The following FBXW8 variants were observed in gnomAD, a reference collection of about 807,000 sequenced individuals.
The protein encoded by FBXW8 is F-box/WD repeat-containing protein 8.
In FBXW8, 57 loss-of-function variants were observed where a neutral mutation model predicts 65.3. The observed-to-expected ratio is 0.87, with a 90% confidence interval of 0.71 to 1.09. FBXW8 has a LOEUF of 1.09. FBXW8 is among the 50% of genes least tolerant of loss of function. The pLI is 0.00. For synonymous variants in FBXW8, 308 were observed against 330.2 expected, an observed-to-expected ratio of 0.93 and a Z score of 0.73; for missense variants, 777 against 814.8, an observed-to-expected ratio of 0.95 and a Z score of 0.57.
At position 116,911,188 on chromosome 12, in the gene FBXW8, G is replaced by A. The variant is rs892914508; in HGVS notation, c.151G>A (p.Gly51Arg). 4 of 1,296,408 alleles carry A rather than the reference G, an allele frequency of 3.1e-6. No individual in the cohort carries two copies. The highest frequency in any genetic ancestry group is 3.9e-6 in the Non-Finnish European group (4 of 1,028,436). The allele number at this position is 1,296,408 out of a possible 1,614,324, so 80.3% of individuals were successfully genotyped here. A position where few individuals can be genotyped will look rare whatever the true frequency, so the allele number is the denominator to read the frequency against. Residue 51 changes from glycine to arginine, a missense_variant, in exon 1 of 11, where the codon GGG becomes AGG. By Grantham distance (125) the Gly-to-Arg change is moderately radical. Transcript: ENST00000652555. Reference sequence around the variant, plus strand: ...CTCCGGGCGCGGCGAACAGGCCTCGGGGGACCCGGCGCTGGCCCAGCGTCT... The same window carrying A: ...CTCCGGGCGCGGCGAACAGGCCTCGAGGGACCCGGCGCTGGCCCAGCGTCT... ...VGSGRGEQAS[G>R]DPALAQRLLE... is the part of the protein sequence containing the mutation.
chr12:116,928,527 A>G (rs2137310103), intron 2 of FBXW8, among the ~76,000 whole-genome samples: 1 of 152,328 alleles, frequency 6.6e-6, no homozygotes, highest in East Asian at 1.9e-4. Context: ...CAGCACGAGG[A>G]CAGAACATGT....
chr12:116,911,153 C>T lies in FBXW8; in HGVS notation c.116C>T (p.Pro39Leu), dbSNP rs1331367845. The T allele has an allele frequency of 5.2e-6, 7 of 1,340,924 alleles. No homozygotes were observed. The highest frequency in any genetic ancestry group is 1.9e-5 in the South Asian group (1 of 51,306). 83.1% of individuals were successfully genotyped at this position (1,340,924 alleles called of 1,614,324 possible). The change falls in exon 1 of 11, where the codon CCG (proline) becomes CTG (leucine). Residue 39 changes from proline (P) to leucine (L), a missense_variant. Physicochemically the swap from Pro to Leu is moderately conservative, Grantham distance 98. Coordinates refer to ENST00000652555, the MANE Select transcript of FBXW8 (RefSeq NM_153348.3). Reference sequence around the variant, plus strand: ...GCTGCCGAGAGGCGGGCTCGGCGGCCGGAGGTGGGCTCCGGGCGCGGCGAA... The same window carrying T: ...GCTGCCGAGAGGCGGGCTCGGCGGCTGGAGGTGGGCTCCGGGCGCGGCGAA... ...PEAAERRARR[P>L]EVGSGRGEQA...
chr12:117,005,882 T>C (rs1953662164), intron 7 of FBXW8, among the ~76,000 whole-genome samples: 1 of 152,222 alleles, frequency 6.6e-6, no homozygotes, highest in Non-Finnish European at 1.5e-5. Context: ...TGGTATCATC[T>C]TCAGGAAGTG....
intron 5 of FBXW8, among the ~76,000 whole-genome samples, chr12:116,973,383 C>T (rs1884745447): frequency 6.6e-6 from 1 of 152,138 alleles, no homozygotes; most frequent in Admixed American, 6.5e-5. Flanking sequence ...AAAATCTCCC[C>T]ACTAAACACT....
chr12:116,971,722 A>T (rs1475126365), intron 5 of FBXW8, among the ~76,000 whole-genome samples: 1 of 152,102 alleles, frequency 6.6e-6, no homozygotes, highest in African/African-American at 2.4e-5. Flanking sequence ...TTTTTATGGT[A>T]ATCTTAAAAA....
In FBXW8 at chr12:116,985,344, T is replaced by C; in HGVS notation, c.974T>C (p.Leu325Ser). 1 of 1,614,236 alleles carries C rather than the reference T, an allele frequency of 6.2e-7. No homozygotes were observed. Among genetic ancestry groups the C allele is most frequent in the Non-Finnish European group, 8.5e-7 (1 of 1,180,042 alleles). The change falls in exon 6 of 11, where the codon TTA becomes TCA. Residue 325 changes from leucine (L) to serine (S), a missense_variant. By Grantham distance (145) the Leu-to-Ser change is moderately radical. Coordinates refer to ENST00000652555, the MANE Select transcript of FBXW8 (RefSeq NM_153348.3). Reference protein sequence around the residue: ...ATASAFDVVMLSPNEEGYWQI... With the variant: ...ATASAFDVVMSSPNEEGYWQI... ...GCTTCTGCTTTTGATGTCGTGATGT[T>C]ATCCCCCAATGAGGAGGGGTACTGG...
intron 2 of FBXW8, among the ~76,000 whole-genome samples, chr12:116,929,543 C>CT (rs58484905): frequency 2.6e-5 from 4 of 151,978 alleles, no homozygotes; most frequent in African/African-American, 9.7e-5. Context: ...ACTGATTTTT[C>CT]TTTTTTTAAA....
At chr12:116,954,130 A>T (rs901495527) in intron 4 of FBXW8, among the ~76,000 whole-genome samples, 1 of 151,650 alleles carries the variant, frequency 6.6e-6, no homozygotes, top group Non-Finnish European at 1.5e-5. Context: ...AAAAAAAAAA[A>T]AAAAGAAAAA....
At chr12:116,975,983 G>A (rs1325089449) in intron 5 of FBXW8, among the ~76,000 whole-genome samples, 1 of 152,168 alleles carries the variant, frequency 6.6e-6, no homozygotes, top group Non-Finnish European at 1.5e-5. Context: ...TTGCATCAGC[G>A]TTAATTTCCT....
At chr12:116,921,511 C>T (rs1461232690) in intron 1 of FBXW8, among the ~76,000 whole-genome samples, 1 of 152,118 alleles carries the variant, frequency 6.6e-6, no homozygotes, top group Non-Finnish European at 1.5e-5. Flanking sequence ...GTTGTAGTCT[C>T]CTGTATTTCA....
intron 1 of FBXW8, among the ~76,000 whole-genome samples, chr12:116,915,647 T>C (rs937908627): frequency 1.1e-5 from 1 of 94,860 alleles, no homozygotes. Flanking sequence ...CTACTTTTTT[T>C]TTTTTTTTTT....
chr12:116,956,563 A>C (rs1035126542), intron 4 of FBXW8, among the ~76,000 whole-genome samples: 1 of 152,336 alleles, frequency 6.6e-6, no homozygotes, highest in Admixed American at 6.5e-5. Context: ...TTGGAGCTTC[A>C]AATTTATATA....
intron 8 of FBXW8, among the ~76,000 whole-genome samples, chr12:117,019,495 G>C (rs1197806315): frequency 6.6e-6 from 1 of 152,138 alleles, no homozygotes; most frequent in Non-Finnish European, 1.5e-5. Context: ...TATTCACTTG[G>C]GTTGCCTTGT....
intron 5 of FBXW8, 69 bp from the exon 6 acceptor site, chr12:116,985,137 T>C (rs1885575208): frequency 3.6e-6 from 5 of 1,405,996 alleles, no homozygotes; most frequent in Non-Finnish European, 4.7e-6. Flanking sequence ...TTGTGTTGCA[T>C]GTTTTTAAAA....
chr12:116,971,952 A>C (rs1019441092), intron 5 of FBXW8, among the ~76,000 whole-genome samples: 2 of 152,256 alleles, frequency 1.3e-5, no homozygotes, highest in Non-Finnish European at 2.9e-5. Context: ...GCACCATAGT[A>C]TGCTAGTAGG....
At chr12:116,972,558 C>A (rs1884698174) in intron 5 of FBXW8, among the ~76,000 whole-genome samples, 1 of 152,040 alleles carries the variant, frequency 6.6e-6, no homozygotes, top group Admixed American at 6.6e-5. Flanking sequence ...GGTCTGGGGG[C>A]CAGGGACAGT....
In FBXW8 at chr12:117,003,364, C is replaced by T. The variant is rs11068285; in HGVS notation, c.1240-6959C>T. On this transcript the variant is annotated intron_variant, in intron 7 of 10. Coordinates refer to ENST00000652555, the MANE Select transcript of FBXW8 (RefSeq NM_153348.3). ...TGTTCCTTCCAGACAGTGCGGGGGG[C>T]GCACCCTGGGCATCTGGCATCTTCC... Among the ~76,000 whole-genome samples the T allele has an allele frequency of 8.2e-3, 1,254 of 152,258 alleles. 56 individuals are homozygous for T. The South Asian group carries it at 0.1, about 13-fold the overall frequency.
At chr12:116,944,508 G>A (rs1882803204) in intron 2 of FBXW8, among the ~76,000 whole-genome samples, 1 of 152,172 alleles carries the variant, frequency 6.6e-6, no homozygotes, top group Non-Finnish European at 1.5e-5. Context: ...CATTAGAAGT[G>A]AGACTCAACT....
intron 9 of FBXW8, 136 bp downstream of exon 9, chr12:117,024,456 G>A (rs1287957597): frequency 2.1e-6 from 2 of 966,130 alleles, no homozygotes; most frequent in African/African-American, 1.6e-5. Context: ...TGTGACCCTA[G>A]GAGCCAGCTG....
Sources: allele counts gnomAD v4.1 joint callset (sites outside exome capture counted in the v4.1 genomes callset), GRCh38; gene constraint gnomAD v4.1.1; transcripts MANE v1.5; gene names NCBI Gene and HGNC (gene_info 2026-07-23, HGNC 2026-07-21).